The following LRRC19 variants were observed in gnomAD, a reference collection of about 807,000 sequenced individuals.
LRRC19 encodes leucine-rich repeat-containing protein 19.
In LRRC19, 33 loss-of-function variants were observed where a neutral mutation model predicts 33.3. The ratio of observed to expected loss-of-function variants is 0.99; its 90% CI spans 0.75 to 1.33. LRRC19 has a LOEUF of 1.33. LRRC19 is among the 40% of genes most tolerant of loss of function. LRRC19 has a pLI of 0.00. For missense variants in LRRC19, 463 were observed against 417.3 expected (o/e 1.11, Z -0.95); for synonymous variants, 184 against 152.3 (o/e 1.21, Z -1.53).
intron 2 of LRRC19, among the ~76,000 whole-genome samples, chr9:26,998,612 T>C (rs773000004): frequency 2.4e-4 from 37 of 152,206 alleles, no homozygotes; most frequent in Non-Finnish European, 4.4e-4. Context: ...AATTGCTTTA[T>C]AGTGAGGAAA....
chr9:26,999,770 C>CTTTTTTTTT lies in LRRC19; in HGVS notation c.-9-76_-9-68dup, dbSNP rs1179000269. The CTTTTTTTTT allele has an allele frequency of 5.7e-4, 195 of 340,118 alleles. 1 individual carries two copies. Among genetic ancestry groups the CTTTTTTTTT allele is most frequent in the Middle Eastern group, 1.0e-3 (1 of 978 alleles). The allele number at this position is 340,118 out of a possible 1,614,324, so 21.1% of individuals were successfully genotyped here. A position where few individuals can be genotyped will look rare whatever the true frequency, so the allele number is the denominator to read the frequency against. On this transcript the variant is annotated intron_variant, in intron 1 of 4. Transcript: ENST00000380055. ...TTTCCCTCTTTTGAATCTGTTTATT[C>CTTTTTTTTT]TTTTTTTTTTTTTTTTTTTTTGGCT...
chr9:26,995,884 A>G (rs1465207997), intron 4 of LRRC19, 35 bp from the exon 5 acceptor site: 13 of 1,488,288 alleles, frequency 8.7e-6, no homozygotes, highest in Non-Finnish European at 1.2e-5. Flanking sequence ...GAGAGAAAGA[A>G]AATTTGTTAA....
chr9:26,999,498 C>T, intron 2 of LRRC19, 116 bp downstream of exon 2: 1 of 727,568 alleles, frequency 1.4e-6, no homozygotes, highest in Non-Finnish European at 2.2e-6. Context: ...TAAATAAACT[C>T]TTAATTTTAG....
At chr9:27,001,958 TAAAGA>T (rs1828519136) in intron 1 of LRRC19, among the ~76,000 whole-genome samples, 1 of 150,764 alleles carries the variant, frequency 6.6e-6, no homozygotes, top group Non-Finnish European at 1.5e-5. Context: ...TTTTTTTAAA[TAAAGA>T]AAAGAGGTTT....
At position 26,998,232 on chromosome 9, in the gene LRRC19, A is replaced by T; in HGVS notation, c.91T>A (p.Cys31Ser). The T allele has an allele frequency of 1.4e-6, 2 of 1,458,994 alleles. No homozygotes were observed. Among genetic ancestry groups the T allele is most frequent in the East Asian group, 2.4e-5 (1 of 42,442 alleles). The allele number at this position is 1,458,994 out of a possible 1,614,324, so 90.4% of individuals were successfully genotyped here. Residue 31 changes from cysteine to serine, a missense_variant, in exon 3 of 5, where the codon TGT (cysteine) becomes AGT (serine). Cys to Ser is a moderately radical substitution (Grantham distance 112). Transcript: ENST00000380055. Reference sequence around the variant, plus strand: ...GTATAATTTTTTTCAGTAAAATTACATTGGACTTCCTAGAAAAACAAAAAA... The same window carrying T: ...GTATAATTTTTTTCAGTAAAATTACTTTGGACTTCCTAGAAAAACAAAAAA... Reference protein sequence around the residue: ...KIQSSKREVQCNFTEKNYTLI... With the variant: ...KIQSSKREVQSNFTEKNYTLI...
intron 1 of LRRC19, among the ~76,000 whole-genome samples, chr9:27,001,183 CT>C (rs1304288668): frequency 1.3e-5 from 2 of 151,908 alleles, no homozygotes; most frequent in South Asian, 4.2e-4. Context: ...ATATATGCTA[CT>C]TTTTTTTAAT....
At chr9:27,001,325 G>T (rs1477442500) in intron 1 of LRRC19, among the ~76,000 whole-genome samples, 1 of 151,898 alleles carries the variant, frequency 6.6e-6, no homozygotes. Context: ...ATACCCAGTG[G>T]AATTACTGGA....
intron 1 of LRRC19, among the ~76,000 whole-genome samples, chr9:27,000,546 G>A (rs1383941671): frequency 6.6e-6 from 1 of 152,150 alleles, no homozygotes; most frequent in Non-Finnish European, 1.5e-5. Context: ...TGGGGTACAT[G>A]TGATAAAGTA....
At chr9:27,000,918 A>G (rs1399821487) in intron 1 of LRRC19, among the ~76,000 whole-genome samples, 1 of 152,142 alleles carries the variant, frequency 6.6e-6, no homozygotes, top group Non-Finnish European at 1.5e-5. Flanking sequence ...AGCAAACTGT[A>G]TGTTTGTATG....
chr9:26,997,760 T>A lies in LRRC19; in HGVS notation c.563A>T (p.Gln188Leu). Residue 188 changes from glutamine (Q) to leucine (L), a missense_variant, in exon 3 of 5, where the codon CAG becomes CTG. By Grantham distance (113) the Gln-to-Leu change is moderately radical. Coordinates refer to ENST00000380055, the MANE Select transcript of LRRC19 (RefSeq NM_022901.3). ...CACATTTGATGTGTTCAACCAGTTC[T>A]GCAAATTAAATAGACTGCAAGAGCA... ...WNCSCSLFNLQNWLNTSNVTL... is the reference protein window; with the variant it reads ...WNCSCSLFNLLNWLNTSNVTL... 1 of 1,610,782 alleles carries A rather than the reference T, an allele frequency of 6.2e-7. No homozygotes were observed. Among genetic ancestry groups the A allele is most frequent in the Non-Finnish European group, 8.5e-7 (1 of 1,179,212 alleles).
chr9:26,998,290 G>C, intron 2 of LRRC19, 49 bp from the exon 3 acceptor site: 1 of 1,117,916 alleles, frequency 8.9e-7, no homozygotes, highest in Non-Finnish European at 1.2e-6. Flanking sequence ...AAAATTAATA[G>C]AATTTCACCA....
At chr9:26,998,827 T>TA (rs1828312040) in intron 2 of LRRC19, among the ~76,000 whole-genome samples, 1 of 141,068 alleles carries the variant, frequency 7.1e-6, no homozygotes, top group African/African-American at 2.7e-5. Flanking sequence ...CTACTGAAAA[T>TA]ACAAAAAAAA....
intron 1 of LRRC19, among the ~76,000 whole-genome samples, chr9:27,002,575 C>A (rs1265619008): frequency 6.6e-6 from 1 of 152,118 alleles, no homozygotes; most frequent in African/African-American, 2.4e-5. Context: ...GTTCTTGGCA[C>A]CTTTGTTGAA....
intron 1 of LRRC19, among the ~76,000 whole-genome samples, chr9:27,004,235 T>C (rs917585610): frequency 2.6e-5 from 4 of 152,214 alleles, no homozygotes; most frequent in African/African-American, 9.6e-5. Flanking sequence ...ATGCTAATAA[T>C]TGTTTTCTCA....
chr9:27,004,211 G>A (rs1165783766), intron 1 of LRRC19, among the ~76,000 whole-genome samples: 1 of 152,156 alleles, frequency 6.6e-6, no homozygotes, highest in Non-Finnish European at 1.5e-5. Flanking sequence ...TTTATTATCT[G>A]TATCTGCTAT....
chr9:26,999,006 T>G (rs1298240037), intron 2 of LRRC19, among the ~76,000 whole-genome samples: 1 of 152,034 alleles, frequency 6.6e-6, no homozygotes, highest in Non-Finnish European at 1.5e-5. Flanking sequence ...AAGCAAGCAA[T>G]CAATCAATCA....
At chr9:27,000,420 TTATC>T (rs1227201948) in intron 1 of LRRC19, among the ~76,000 whole-genome samples, 5 of 152,200 alleles carry the variant, frequency 3.3e-5, no homozygotes, top group African/African-American at 1.2e-4. Flanking sequence ...TCTATTGGCA[TTATC>T]TATCTATTAT....
At chr9:27,004,819 G>A (rs1415536504) in intron 1 of LRRC19, among the ~76,000 whole-genome samples, 6 of 151,644 alleles carry the variant, frequency 4.0e-5, no homozygotes, top group East Asian at 3.9e-4. Flanking sequence ...ACAAAATTAC[G>A]TGCATTTTTA....
In LRRC19 at chr9:26,999,619, T is replaced by A. The variant is rs757094631; in HGVS notation, c.76A>T (p.Lys26Ter). The change falls in exon 2 of 5, where the codon AAA (lysine) becomes TAA (stop). Residue 26 changes from lysine (K) to a stop codon, truncating the protein, a stop_gained. Coordinates refer to ENST00000380055, the MANE Select transcript of LRRC19 (RefSeq NM_022901.3). LOFTEE classifies it high-confidence loss of function. ...TTTTGATTGTAAAAACTTACTCTTT[T>A]AGAAGACTGGATTTTGTCTGATAAT... ...ILLSDKIQSS[K>*]REVQCNFTEK... is the part of the protein sequence containing the mutation. 1 of 1,594,648 alleles carries A rather than the reference T, an allele frequency of 6.3e-7. No individual in the cohort carries two copies. Among genetic ancestry groups the A allele is most frequent in the Non-Finnish European group, 8.6e-7 (1 of 1,168,132 alleles).
Sources: gnomAD v4.1 joint callset for allele counts (sites outside exome capture counted in the v4.1 genomes callset) on GRCh38, gnomAD v4.1.1 for gene constraint, MANE v1.5 for transcripts, NCBI Gene and HGNC (gene_info 2026-07-23, HGNC 2026-07-21) for gene names.